Variants in RBPJ observed in about 807,000 individuals in gnomAD.
The protein encoded by RBPJ is recombining binding protein suppressor of hairless.
Under a neutral mutation model 67.8 loss-of-function variants are expected in RBPJ, and 9 were observed. The observed-to-expected ratio is 0.13, with a 90% CI of 0.08 to 0.23. RBPJ has a LOEUF of 0.23. Among genes scored for constraint, RBPJ ranks in the 10% least tolerant of loss-of-function variants. The probability of loss-of-function intolerance (pLI) is 1.00; values close to 1 mark genes in which losing one functional copy is unlikely to be tolerated. For synonymous variants in RBPJ, 198 were observed against 203.3 expected, an observed-to-expected ratio of 0.97 and a Z score of 0.22; for missense variants, 305 against 595.6, an observed-to-expected ratio of 0.51 and a Z score of 5.08.
At chr4:26,273,405 C>T (rs1720974551) in intron 1 of RBPJ, among the ~76,000 whole-genome samples, 1 of 152,240 alleles carries the variant, frequency 6.6e-6, no homozygotes, top group South Asian at 2.1e-4. Context: ...TTTTCCAAAG[C>T]TGTCTGCCTG....
At chr4:26,186,019 G>A (rs779261356) in intron 1 of RBPJ, among the ~76,000 whole-genome samples, 44 of 151,938 alleles carry the variant, frequency 2.9e-4, no homozygotes, top group Non-Finnish European at 5.6e-4. Context: ...GCACTCCAGC[G>A]TAGGCGACAA....
At chr4:26,158,937 C>CTCTCGCTT (rs1716024664), upstream of RBPJ, among the ~76,000 whole-genome samples, 1 of 121,410 alleles carries the variant, frequency 8.2e-6, no homozygotes, top group South Asian at 3.1e-4. Context: ...CTTTCTCCCT[C>CTCTCGCTT]TCTCTCTTTC....
intron 1 of RBPJ, among the ~76,000 whole-genome samples, chr4:26,179,196 T>C (rs556529568): frequency 1.3e-5 from 2 of 151,792 alleles, no homozygotes; most frequent in South Asian, 4.2e-4. Flanking sequence ...TCTCCTCCAG[T>C]GTTAGATGTT....
At chr4:26,109,203 GT>G in the RBPJ span, among the ~76,000 whole-genome samples, 3 of 149,980 alleles carry the variant, frequency 2.0e-5, no homozygotes, top group South Asian at 6.3e-4. Context: ...CACTTTCCAG[GT>G]TGAAATGATT....
chr4:26,196,460 G>A (rs753595230), intron 1 of RBPJ, among the ~76,000 whole-genome samples: 2 of 152,154 alleles, frequency 1.3e-5, no homozygotes, highest in Admixed American at 6.6e-5. Context: ...ACTGCTCGTG[G>A]GTATGGGATT....
chr4:26,329,324 G>A (rs1368536344), intron 1 of RBPJ, among the ~76,000 whole-genome samples: 1 of 152,152 alleles, frequency 6.6e-6, no homozygotes, highest in East Asian at 1.9e-4. Flanking sequence ...GGTAGGGCTG[G>A]ATGTAAACAG....
At position 26,407,175 on chromosome 4, in the gene RBPJ, C is replaced by T. The variant is rs28474758; in HGVS notation, c.155+905C>T. Among the ~76,000 whole-genome samples, 416 of 152,224 alleles carry T rather than the reference C, an allele frequency of 2.7e-3. 1 individual carries two copies. The highest frequency in any genetic ancestry group is 6.8e-3 in the Middle Eastern group (2 of 294). The stretch of plus-strand genomic sequence containing the variant: ...TTTTGGTGGAAAATGTAGTTTTTTA[C>T]GCAAATGTGACCCCAAAAGTACCGT... On this transcript the variant is annotated intron_variant, in intron 3 of 10. Coordinates refer to ENST00000355476, the MANE Select transcript of RBPJ (RefSeq NM_015874.6).
At chr4:26,182,302 A>G (rs1717033990) in intron 1 of RBPJ, among the ~76,000 whole-genome samples, 1 of 152,068 alleles carries the variant, frequency 6.6e-6, no homozygotes, top group African/African-American at 2.4e-5. Flanking sequence ...AGATCGCGCC[A>G]CTGCACTCCA....
At chr4:26,402,174 C>G (rs968792480) in intron 2 of RBPJ, among the ~76,000 whole-genome samples, 1 of 152,156 alleles carries the variant, frequency 6.6e-6, no homozygotes, top group African/African-American at 2.4e-5. Flanking sequence ...AGCCGTGTGC[C>G]ACTGCGCCCA....
chr4:26,429,769 A>G (rs1736029029), intron 8 of RBPJ, 129 bp from the exon 9 acceptor site: 1 of 748,060 alleles, frequency 1.3e-6, no homozygotes, highest in Non-Finnish European at 2.1e-6. Flanking sequence ...ACCATACTTT[A>G]GAAAGTTTAT....
chr4:26,274,833 C>T (rs906081973), intron 1 of RBPJ, among the ~76,000 whole-genome samples: 1 of 151,886 alleles, frequency 6.6e-6, no homozygotes, highest in Non-Finnish European at 1.5e-5. Flanking sequence ...ATTCGGAAGG[C>T]TAAAGCAGGA....
intron 1 of RBPJ, among the ~76,000 whole-genome samples, chr4:26,354,197 C>T (rs1727111342): frequency 6.6e-6 from 1 of 152,136 alleles, no homozygotes; most frequent in African/African-American, 2.4e-5. Context: ...TCCCAAAGTG[C>T]TGGGATTACA....
intron 1 of RBPJ, among the ~76,000 whole-genome samples, chr4:26,299,063 A>C (rs1721982119): frequency 6.6e-6 from 1 of 152,228 alleles, no homozygotes. Flanking sequence ...GAATGAAATA[A>C]AAGAACTCCA....
the RBPJ span, among the ~76,000 whole-genome samples, chr4:26,155,358 A>G: frequency 6.6e-6 from 1 of 151,742 alleles, no homozygotes. Context: ...AGGGGACCTA[A>G]GATTCAGCCT....
chr4:26,231,955 G>A (rs112245229), intron 1 of RBPJ, among the ~76,000 whole-genome samples: 23,562 of 151,284 alleles, frequency 0.16, 2,041 homozygotes, highest in Non-Finnish European at 0.2. Flanking sequence ...GCAGTGGTGC[G>A]ATCTTGGCTC....
chr4:26,357,343 C>A (rs1207901480), intron 1 of RBPJ, among the ~76,000 whole-genome samples: 1 of 152,080 alleles, frequency 6.6e-6, no homozygotes, highest in Non-Finnish European at 1.5e-5. Flanking sequence ...AGTAGTGTTA[C>A]AGAGTTAAAA....
chr4:26,156,391 A>G, the RBPJ span, among the ~76,000 whole-genome samples: 30 of 145,890 alleles, frequency 2.1e-4, no homozygotes, highest in African/African-American at 4.5e-4. Context: ...CTATAACTAT[A>G]TAGGTTGGAA....
chr4:26,158,151 G>A, the RBPJ span, among the ~76,000 whole-genome samples: 1 of 152,156 alleles, frequency 6.6e-6, no homozygotes, highest in East Asian at 1.9e-4. Context: ...CATCCTATAG[G>A]CACTATCTCC....
chr4:26,174,599 A>T (rs1410659995), intron 1 of RBPJ, among the ~76,000 whole-genome samples: 1 of 152,128 alleles, frequency 6.6e-6, no homozygotes. Context: ...CCTCCTGAGT[A>T]GCTGAGGCTA....
Sources: allele counts gnomAD v4.1 joint callset (sites outside exome capture counted in the v4.1 genomes callset), GRCh38; gene constraint gnomAD v4.1.1; transcripts MANE v1.5; gene names NCBI Gene and HGNC (gene_info 2026-07-23, HGNC 2026-07-21).